RGS7: variants seen among roughly 807,000 people sequenced by gnomAD.
RGS7 encodes regulator of G protein signaling 7.
Under a neutral mutation model 81.1 loss-of-function variants are expected in RGS7, and 27 were observed. The observed-to-expected ratio is 0.33, with a 90% CI of 0.25 to 0.46. The LOEUF is 0.46. RGS7 is among the 20% of genes least tolerant of loss of function. The pLI, the probability that RGS7 is intolerant of heterozygous loss-of-function variation, is 1.00. For missense variants in RGS7, 396 were observed against 607.4 expected (o/e 0.65, Z 3.66); for synonymous variants, 208 against 207.7 (o/e 1.00, Z -0.01).
intron 2 of RGS7, among the ~76,000 whole-genome samples, chr1:241,160,687 C>T (rs6683639): frequency 0.43 from 65,963 of 152,068 alleles, 15,235 homozygotes; most frequent in African/African-American, 0.6. Context: ...CAACTGTTTC[C>T]TAATGGCAAC....
intron 3 of RGS7, among the ~76,000 whole-genome samples, chr1:240,995,636 T>C (rs2148607730): frequency 6.6e-6 from 1 of 152,210 alleles, no homozygotes; most frequent in South Asian, 2.1e-4. Context: ...TATTCTTTTA[T>C]CCTTTAGATG....
chr1:241,187,317 G>C (rs976544339), intron 2 of RGS7, among the ~76,000 whole-genome samples: 1 of 152,028 alleles, frequency 6.6e-6, no homozygotes, highest in African/African-American at 2.4e-5. Context: ...GTAGGTAATA[G>C]CTCTCCATTT....
chr1:241,319,041 T>C (rs2081057688), intron 2 of RGS7, among the ~76,000 whole-genome samples: 1 of 152,182 alleles, frequency 6.6e-6, no homozygotes, highest in South Asian at 2.1e-4. Context: ...TTCACCAGAT[T>C]GTTAAAATGA....
At chr1:241,003,374 T>C (rs764187887) in intron 3 of RGS7, among the ~76,000 whole-genome samples, 1 of 143,964 alleles carries the variant, frequency 6.9e-6, no homozygotes, top group Non-Finnish European at 1.5e-5. Context: ...GGCAGGAGAA[T>C]GGCGTGAACC....
At chr1:241,046,207 C>T (rs969971377) in intron 3 of RGS7, among the ~76,000 whole-genome samples, 7 of 152,062 alleles carry the variant, frequency 4.6e-5, no homozygotes, top group Admixed American at 6.6e-5. Context: ...AGGTTTGTTA[C>T]GTGGGTATAT....
chr1:241,271,999 A>C lies in RGS7; in HGVS notation c.78+83700T>G, dbSNP rs138769651. Among the ~76,000 whole-genome samples, 5 of 47,570 alleles carry C rather than the reference A, an allele frequency of 1.1e-4. No individual in the cohort carries two copies. Among genetic ancestry groups the C allele is most frequent in the Non-Finnish European group, 4.5e-5 (1 of 22,328 alleles). 31.2% of individuals were successfully genotyped at this position (47,570 alleles called of 152,430 possible). A position where few individuals can be genotyped will look rare whatever the true frequency, so the allele number is the denominator to read the frequency against. ...CTAGAATTTCTTTTTTTTTTTTTTT[A>C]TTTTTATTTTTTGAGATGGAGTCTC... On this transcript the variant is annotated intron_variant, in intron 2 of 18. Coordinates refer to ENST00000440928, the MANE Select transcript of RGS7 (RefSeq NM_001364886.1). This position sits in a 1 kb window ranked among gnomAD's most constrained non-coding sequence, Gnocchi z 4.6.
At chr1:241,277,463 C>CA (rs1471179990) in intron 2 of RGS7, among the ~76,000 whole-genome samples, 1 of 151,898 alleles carries the variant, frequency 6.6e-6, no homozygotes, top group Non-Finnish European at 1.5e-5. Context: ...ACTAAAAATA[C>CA]AAAAAATTAG....
At chr1:241,078,827 T>C (rs765617178) in intron 3 of RGS7, among the ~76,000 whole-genome samples, 80 of 152,130 alleles carry the variant, frequency 5.3e-4, no homozygotes, top group Non-Finnish European at 1.0e-3. Flanking sequence ...CAATCATATA[T>C]GCATCAGAGC....
rs534095807 is a variant in RGS7, at chr1:240,956,089, A to T, written c.227-19383T>A. On this transcript the variant is annotated intron_variant, in intron 4 of 18. Coordinates refer to ENST00000440928, the MANE Select transcript of RGS7 (RefSeq NM_001364886.1). ...AGTATTACAAAATGAACCTTTATAC[A>T]TACGTATTTCATTCTTACCAGAACA... Among the ~76,000 whole-genome samples the T allele has an allele frequency of 6.6e-5, 10 of 152,270 alleles. No individual in the cohort carries two copies. In the East Asian group the frequency reaches 9.7e-4, roughly 15 times the overall value.
chr1:240,995,591 G>T lies in RGS7; in HGVS notation c.176-12462C>A, dbSNP rs758335108. 1.7e-4 allele frequency among the ~76,000 whole-genome samples: 26 copies of T among 152,142 alleles called. No homozygotes were observed. In the Middle Eastern group the frequency reaches 0.014, roughly 80 times the overall value. On this transcript the variant is annotated intron_variant, in intron 3 of 18. Coordinates refer to ENST00000440928, the MANE Select transcript of RGS7 (RefSeq NM_001364886.1). ...GGTTTTTGAGACACTGATCAGTTTT[G>T]TATAAGATGTCAAATTATGTGTTTA...
At chr1:241,199,698 AAG>A (rs1225995095) in intron 2 of RGS7, among the ~76,000 whole-genome samples, 101 of 151,740 alleles carry the variant, frequency 6.7e-4, no homozygotes, top group African/African-American at 2.1e-3. Context: ...AAAAAAAAAA[AAG>A]AGAAAGGATG....
At chr1:241,200,363 G>T (rs531964192) in intron 2 of RGS7, among the ~76,000 whole-genome samples, 1 of 151,946 alleles carries the variant, frequency 6.6e-6, no homozygotes, top group Non-Finnish European at 1.5e-5. Context: ...TAAAGGTACT[G>T]CTCAATGAAT....
intron 6 of RGS7, among the ~76,000 whole-genome samples, chr1:240,889,355 C>T (rs1009052050): frequency 3.3e-5 from 5 of 152,084 alleles, no homozygotes; most frequent in African/African-American, 1.2e-4. Context: ...GGGGGACTGC[C>T]CTGAGCAGAA....
intron 2 of RGS7, among the ~76,000 whole-genome samples, chr1:241,174,539 T>C (rs2070963031): frequency 1.3e-5 from 2 of 152,236 alleles, no homozygotes; most frequent in South Asian, 2.1e-4. Context: ...CTCAACTCAA[T>C]CATTCTGTTT....
chr1:240,968,178 C>T (rs1383239142), intron 4 of RGS7, among the ~76,000 whole-genome samples: 4 of 152,192 alleles, frequency 2.6e-5, no homozygotes, highest in Non-Finnish European at 4.4e-5. Flanking sequence ...TACCCGTGTT[C>T]ATGGATGAAC....
chr1:240,896,494 C>G (rs1387202858), intron 6 of RGS7, among the ~76,000 whole-genome samples: 4 of 152,202 alleles, frequency 2.6e-5, no homozygotes, highest in Non-Finnish European at 4.4e-5. Flanking sequence ...TTTCAGCTTT[C>G]TACCTATGGC....
chr1:241,254,174 G>A (rs2148232955), intron 2 of RGS7, among the ~76,000 whole-genome samples: 1 of 149,504 alleles, frequency 6.7e-6, no homozygotes, highest in Admixed American at 6.7e-5. Context: ...CACCCAGCCT[G>A]GGCAACAGAG....
rs2076817533 is a variant in RGS7 at position 241,251,363 on chromosome 1, T to C, written c.78+104336A>G. 1.3e-5 allele frequency among the ~76,000 whole-genome samples: 2 copies of C among 152,180 alleles called. 1 individual carries two copies. The highest frequency in any genetic ancestry group is 4.1e-4 in the South Asian group (2 of 4,828). Reference sequence around the variant, plus strand: ...ACTCTCCCAAAATGTCTTACTATTATGTACTCACTGTAGAGAAAATATGAT... The same window carrying C: ...ACTCTCCCAAAATGTCTTACTATTACGTACTCACTGTAGAGAAAATATGAT... On this transcript the variant is annotated intron_variant, in intron 2 of 18. Transcript: ENST00000440928.
intron 6 of RGS7, among the ~76,000 whole-genome samples, chr1:240,903,870 G>T (rs261803): frequency 5.8e-4 from 88 of 152,068 alleles, no homozygotes; most frequent in Admixed American, 1.4e-3. Context: ...ATCTCTGCAC[G>T]TCAGCTCTCC....
Sources: gnomAD v4.1 joint callset for allele counts (sites outside exome capture counted in the v4.1 genomes callset) on GRCh38, gnomAD v4.1.1 for gene constraint, Gnocchi (gnomAD v3.1) non-coding constraint, MANE v1.5 for transcripts, NCBI Gene and HGNC (gene_info 2026-07-23, HGNC 2026-07-21) for gene names.